The following AIM2 variants were observed in gnomAD, a reference collection of about 807,000 sequenced individuals.
The protein encoded by AIM2 is absent in melanoma 2.
In AIM2, 30 loss-of-function variants were observed where a neutral mutation model predicts 27.7. The ratio of observed to expected loss-of-function variants is 1.08; its 90% CI spans 0.81 to 1.47. AIM2 has a LOEUF of 1.47. Among genes scored for constraint, AIM2 ranks in the 40% most tolerant of loss-of-function variants. The pLI is 0.00. For missense variants in AIM2, 358 were observed against 411.3 expected (o/e 0.87, Z 1.12); for synonymous variants, 141 against 145.3 (o/e 0.97, Z 0.21).
At position 159,133,890 on chromosome 1, in the gene AIM2, A is replaced by G. The variant is rs562206212; in HGVS notation, c.-16+6541T>C. 3.4e-3 allele frequency among the ~76,000 whole-genome samples: 523 copies of G among 152,230 alleles called. 3 individuals are homozygous for G. Among genetic ancestry groups the G allele is most frequent in the African/African-American group, 0.012 (500 of 41,532 alleles). On this transcript the variant is annotated intron_variant, in intron 1 of 2. Transcript: ENST00000368129. ...ATACTCTTGGCATTAAATTCCACCA[A>G]CATGCATATGACTTCCAAAATTAAA...
Position 159,102,393 on chromosome 1 carries a change from G to A in AIM2, c.-15-36064C>T, listed in dbSNP as rs543109132. ...ACCTCTGCTAGGGCAGTGTGGAAGG[G>A]AAATATGAGATAGGAGCCCCCACAC... is the stretch of plus-strand genomic sequence containing the variant. On this transcript the variant is annotated intron_variant, in intron 1 of 2. Transcript: ENST00000368129. Among the ~76,000 whole-genome samples, 1,012 of 152,362 alleles carry A rather than the reference G, an allele frequency of 6.6e-3. 6 individuals carry two copies. Among genetic ancestry groups the A allele is most frequent in the South Asian group, 0.03 (146 of 4,830 alleles).
intron 1 of AIM2, among the ~76,000 whole-genome samples, chr1:159,106,922 A>G (rs1374533312): frequency 3.3e-5 from 5 of 152,212 alleles, no homozygotes; most frequent in African/African-American, 1.2e-4. Flanking sequence ...TGTAAACTAC[A>G]TAGTACTGTA....
upstream of AIM2, among the ~76,000 whole-genome samples, chr1:159,141,463 G>C (rs567191725): frequency 3.9e-4 from 60 of 152,284 alleles, no homozygotes; most frequent in South Asian, 7.7e-3. Context: ...AAAGAATGAA[G>C]AGGGAGGGGA....
intron 1 of AIM2, among the ~76,000 whole-genome samples, chr1:159,107,971 C>T (rs1440446753): frequency 1.3e-5 from 2 of 152,114 alleles, no homozygotes; most frequent in East Asian, 1.9e-4. Flanking sequence ...TTCTACCAGA[C>T]ATTCAAAGAA....
At chr1:159,118,310 G>A (rs1647437987) in intron 1 of AIM2, among the ~76,000 whole-genome samples, 1 of 152,192 alleles carries the variant, frequency 6.6e-6, no homozygotes, top group African/African-American at 2.4e-5. Flanking sequence ...TCAAACAACA[G>A]CTTTATAAAA....
chr1:159,060,422 A>G (rs1450254552), downstream of AIM2, among the ~76,000 whole-genome samples: 1 of 152,262 alleles, frequency 6.6e-6, no homozygotes, highest in East Asian at 1.9e-4. Flanking sequence ...CATGTTTATC[A>G]TGGCATAATC....
intron 1 of AIM2, among the ~76,000 whole-genome samples, chr1:159,119,856 CTT>C (rs1424769252): frequency 1.5e-5 from 2 of 134,572 alleles, no homozygotes; most frequent in Admixed American, 1.4e-4. Context: ...ATCCCTCTCT[CTT>C]TTTCTCCACA....
chr1:159,133,540 ACTCC>A (rs1162407868), intron 1 of AIM2, among the ~76,000 whole-genome samples: 2 of 150,854 alleles, frequency 1.3e-5, no homozygotes, highest in African/African-American at 2.4e-5. Flanking sequence ...TCCCTCTGCA[ACTCC>A]CTCCATCTGC....
chr1:159,095,339 T>C (rs1208067643), intron 1 of AIM2, among the ~76,000 whole-genome samples: 9 of 152,320 alleles, frequency 5.9e-5, no homozygotes, highest in East Asian at 3.9e-4. Context: ...TAAAGCATGA[T>C]AGAGAATAGT....
chr1:159,074,181 A>C (rs1656494495), intron 1 of AIM2, among the ~76,000 whole-genome samples: 1 of 152,194 alleles, frequency 6.6e-6, no homozygotes, highest in Non-Finnish European at 1.5e-5. Flanking sequence ...TGGCATATAC[A>C]TATACCTGAT....
At chr1:159,139,284 T>C (rs1248683914) in intron 1 of AIM2, among the ~76,000 whole-genome samples, 1 of 152,156 alleles carries the variant, frequency 6.6e-6, no homozygotes, top group Non-Finnish European at 1.5e-5. Flanking sequence ...CAATCAGACC[T>C]CTTAGGGTAG....
intron 1 of AIM2, among the ~76,000 whole-genome samples, chr1:159,145,908 C>T (rs1396400730): frequency 6.6e-6 from 1 of 152,128 alleles, no homozygotes; most frequent in Non-Finnish European, 1.5e-5. Flanking sequence ...GAGATCAAGG[C>T]CATCCTGGCC....
At chr1:159,065,395 T>G (rs1656039930) in intron 4 of AIM2, among the ~76,000 whole-genome samples, 1 of 152,162 alleles carries the variant, frequency 6.6e-6, no homozygotes, top group African/African-American at 2.4e-5. Context: ...AGTTTGCATT[T>G]TTGACATTAA....
At chr1:159,073,912 G>A (rs1356807065) in intron 1 of AIM2, among the ~76,000 whole-genome samples, 1 of 152,038 alleles carries the variant, frequency 6.6e-6, no homozygotes, top group East Asian at 1.9e-4. Flanking sequence ...GGTGGTGGGC[G>A]CCTGTAATCC....
chr1:159,096,332 A>T (rs1657180487), intron 1 of AIM2, among the ~76,000 whole-genome samples: 1 of 152,180 alleles, frequency 6.6e-6, no homozygotes, highest in African/African-American at 2.4e-5. Context: ...TCTGTAAAAT[A>T]AAAATATAAT....
At chr1:159,106,854 G>C (rs1278151889) in intron 1 of AIM2, among the ~76,000 whole-genome samples, 2 of 152,204 alleles carry the variant, frequency 1.3e-5, no homozygotes, top group Non-Finnish European at 1.5e-5. Context: ...CAACTAAATA[G>C]AGATAATAGG....
At chr1:159,141,546 G>A (rs777411321), upstream of AIM2, among the ~76,000 whole-genome samples, 1 of 152,048 alleles carries the variant, frequency 6.6e-6, no homozygotes, top group Non-Finnish European at 1.5e-5. Flanking sequence ...CTCCAGGGAG[G>A]AGTAAATATA....
At chr1:159,093,733 CAGAGAGAGAGAG>C (rs57305983) in intron 1 of AIM2, among the ~76,000 whole-genome samples, 1 of 143,878 alleles carries the variant, frequency 7.0e-6, no homozygotes, top group Non-Finnish European at 1.5e-5. Context: ...TATATATATA[CAGAGAGAGAGAG>C]AGAGAGAGAG....
At chr1:159,121,874 C>T (rs1002193666) in intron 1 of AIM2, among the ~76,000 whole-genome samples, 1 of 152,112 alleles carries the variant, frequency 6.6e-6, no homozygotes, top group Non-Finnish European at 1.5e-5. Context: ...AGTTTAAGCC[C>T]ACAAACATCT....
Sources: gnomAD v4.1 joint callset for allele counts (sites outside exome capture counted in the v4.1 genomes callset) on GRCh38, gnomAD v4.1.1 for gene constraint, MANE v1.5 for transcripts, NCBI Gene and HGNC (gene_info 2026-07-23, HGNC 2026-07-21) for gene names.